Variants in BEGAIN observed in about 807,000 individuals in gnomAD.
The protein encoded by BEGAIN is brain-enriched guanylate kinase-associated protein.
BEGAIN carries 19 observed loss-of-function variants against 35.8 expected under a neutral mutation model. The observed-to-expected ratio is 0.53, with a 90% CI of 0.37 to 0.78. BEGAIN has a LOEUF of 0.78. BEGAIN is among the 30% of genes least tolerant of loss of function. The pLI, the probability that BEGAIN is intolerant of heterozygous loss-of-function variation, is 0.00. For missense variants in BEGAIN, 795 were observed against 853.6 expected, an observed-to-expected ratio of 0.93 and a Z score of 0.85; for synonymous variants, 462 against 388.6, an observed-to-expected ratio of 1.19 and a Z score of -2.22.
chr14:100,572,813 C>T (rs879627907), intron 1 of BEGAIN, among the ~76,000 whole-genome samples: 6 of 152,174 alleles, frequency 3.9e-5, no homozygotes, highest in Non-Finnish European at 7.3e-5. Flanking sequence ...AGCCTTCTAA[C>T]TGATCACTTG....
chr14:100,583,000 C>T (rs2035353986), intron 1 of BEGAIN, among the ~76,000 whole-genome samples: 1 of 150,894 alleles, frequency 6.6e-6, no homozygotes, highest in South Asian at 2.3e-4. Context: ...ATTCAACCAA[C>T]CGTCCTTCAC....
chr14:100,575,064 A>C (rs930493752), intron 1 of BEGAIN, among the ~76,000 whole-genome samples: 1 of 152,118 alleles, frequency 6.6e-6, no homozygotes, highest in African/African-American at 2.4e-5. Context: ...CCAGAGACTC[A>C]CCCATGGCCA....
At chr14:100,553,154 C>A (rs1454460441) in intron 2 of BEGAIN, among the ~76,000 whole-genome samples, 1 of 152,172 alleles carries the variant, frequency 6.6e-6, no homozygotes, top group African/African-American at 2.4e-5. Flanking sequence ...GCTGCACAAC[C>A]AGCTGCAGGT....
At position 100,554,802 on chromosome 14, in the gene BEGAIN, C is replaced by T. The variant is rs535558220; in HGVS notation, c.72-8140G>A. ...GAGCTGCCCCAACTCCTCTCTGTAC[C>T]AAGACTAAAAGGCCAGTTCCTCACC... On this transcript the variant is annotated intron_variant, in intron 2 of 6. Coordinates refer to ENST00000554140, the MANE Select transcript of BEGAIN (RefSeq NM_001385089.1). Among the ~76,000 whole-genome samples the T allele has an allele frequency of 4.6e-5, 7 of 152,302 alleles. No individual in the cohort carries two copies. The East Asian group carries it at 1.4e-3, about 29-fold the overall frequency.
Position 100,568,783 on chromosome 14 carries a change from G to A in BEGAIN, c.43-844C>T, listed in dbSNP as rs1286862547. On this transcript the variant is annotated intron_variant, in intron 1 of 6. Transcript: ENST00000554140. This position sits in a 1 kb window ranked among gnomAD's most constrained non-coding sequence, Gnocchi z 7.5. The stretch of plus-strand genomic sequence containing the variant: ...CTTCCTGCGTGGAGCTGGGGGCGCC[G>A]GGCGGGCTCTCTATCACCCGGGAGA... The A allele has an allele frequency of 2.1e-5, 18 of 849,902 alleles. No homozygotes were observed. The highest frequency in any genetic ancestry group is 2.4e-5 in the Non-Finnish European group (17 of 705,706). The allele number at this position is 849,902 out of a possible 1,614,324, so 52.6% of individuals were successfully genotyped here. A position where few individuals can be genotyped will look rare whatever the true frequency, so the allele number is the denominator to read the frequency against.
chr14:100,580,937 C>T (rs2035303026), intron 1 of BEGAIN, among the ~76,000 whole-genome samples: 1 of 152,136 alleles, frequency 6.6e-6, no homozygotes, highest in South Asian at 2.1e-4. Context: ...CTCGGGAGGC[C>T]ACAGTGTCCT....
chr14:100,571,959 T>C lies in BEGAIN; in HGVS notation c.43-4020A>G, dbSNP rs551184743. Among the ~76,000 whole-genome samples, 5 of 152,288 alleles carry C rather than the reference T, an allele frequency of 3.3e-5. No individual in the cohort carries two copies. The South Asian group carries it at 1.0e-3, about 32-fold the overall frequency. The stretch of plus-strand genomic sequence containing the variant: ...AGCTCCTCCATTCTGCCGCTGCATC[T>C]CCCTGTGTCCAGGGCCTGGCATGGA... On this transcript the variant is annotated intron_variant, in intron 1 of 6. Coordinates refer to ENST00000554140, the MANE Select transcript of BEGAIN (RefSeq NM_001385089.1).
chr14:100,587,208 C>T (rs2035464914), intron 1 of BEGAIN, 41 bp downstream of exon 1: 1 of 180,970 alleles, frequency 5.5e-6, no homozygotes, highest in Non-Finnish European at 1.1e-5. Context: ...CGCCTCCGCG[C>T]CCGCGCCCGC....
intron 2 of BEGAIN, among the ~76,000 whole-genome samples, chr14:100,551,254 C>T (rs919926833): frequency 3.0e-4 from 46 of 152,208 alleles, no homozygotes; most frequent in Non-Finnish European, 5.7e-4. Context: ...GGGTGTTGGC[C>T]TGCTGGAGGA....
intron 1 of BEGAIN, among the ~76,000 whole-genome samples, chr14:100,584,703 G>C (rs1054372303): frequency 1.1e-4 from 17 of 152,196 alleles, no homozygotes; most frequent in African/African-American, 3.9e-4. Flanking sequence ...TCCCCTGACT[G>C]TAATGGGTGT....
intron 2 of BEGAIN, among the ~76,000 whole-genome samples, chr14:100,560,716 G>A (rs1566973252): frequency 6.6e-6 from 1 of 152,202 alleles, no homozygotes; most frequent in African/African-American, 2.4e-5. Flanking sequence ...TAGTGGCCAC[G>A]AGGGCAGAGG....
In BEGAIN at chr14:100,538,276, A is replaced by G; in HGVS notation, c.1532T>C (p.Phe511Ser). ...GCTCAGGTCGCCGCCCGCCCGCAGG[A>G]AGCAGGGCTCTGCCAGGTGGCCCTG... ...LSQGHLAEPC[F>S]LRAGGDLSLS... is the part of the protein sequence containing the mutation. Residue 511 changes from phenylalanine (F) to serine (S), a missense_variant, in exon 7 of 7, where the codon TTC becomes TCC. By Grantham distance (155) the Phe-to-Ser change is radical. This residue lies in a region of BEGAIN where 664 missense variants were observed against 647.7 expected (regional missense o/e 1.03). Transcript: ENST00000554140. 1 of 1,561,296 alleles carries G rather than the reference A, an allele frequency of 6.4e-7. No individual in the cohort carries two copies. Among genetic ancestry groups the G allele is most frequent in the Non-Finnish European group, 8.6e-7 (1 of 1,162,118 alleles).
At chr14:100,561,127 C>T (rs969467613) in intron 2 of BEGAIN, among the ~76,000 whole-genome samples, 2 of 152,202 alleles carry the variant, frequency 1.3e-5, no homozygotes, top group African/African-American at 4.8e-5. Context: ...CACCCAGCCA[C>T]TGCCCCAACC....
rs1401844229 is a variant in BEGAIN at position 100,546,772 on chromosome 14, GC to G, written c.72-111del. 4 of 791,750 alleles carry G rather than the reference GC, an allele frequency of 5.1e-6. No homozygotes were observed. In the African/African-American group the frequency reaches 9.2e-5, roughly 18 times the overall value. The allele number at this position is 791,750 out of a possible 1,614,324, so 49.0% of individuals were successfully genotyped here. On this transcript the variant is annotated intron_variant, in intron 2 of 6. Transcript: ENST00000554140. The stretch of plus-strand genomic sequence containing the variant: ...CTAACACGCGAGTACCGGCGCGCGC[GC>G]GCGCGCGCACACACACACACACACA...
rs1003086909 is a variant in BEGAIN at position 100,558,646 on chromosome 14, A to G, written c.71+9265T>C. On this transcript the variant is annotated intron_variant, in intron 2 of 6. Transcript: ENST00000554140. This position sits in a 1 kb window ranked among gnomAD's most constrained non-coding sequence, Gnocchi z 4.6. Reference sequence around the variant, plus strand: ...CATCGCCCCTACAAATCCACAGCCTACCCCCACACCCTGCAGCAAGACAAG... The same window carrying G: ...CATCGCCCCTACAAATCCACAGCCTGCCCCCACACCCTGCAGCAAGACAAG... Among the ~76,000 whole-genome samples the G allele has an allele frequency of 6.6e-6, 1 of 151,388 alleles. No individual in the cohort carries two copies. Among genetic ancestry groups the G allele is most frequent in the African/African-American group, 2.4e-5 (1 of 41,138 alleles).
At position 100,567,447 on chromosome 14, in the gene BEGAIN, A is replaced by G. The variant is rs2034789902; in HGVS notation, c.71+464T>C. Among the ~76,000 whole-genome samples the G allele has an allele frequency of 6.6e-6, 1 of 151,620 alleles. No homozygotes were observed. Among genetic ancestry groups the G allele is most frequent in the Admixed American group, 6.5e-5 (1 of 15,268 alleles). On this transcript the variant is annotated intron_variant, in intron 2 of 6. Coordinates refer to ENST00000554140, the MANE Select transcript of BEGAIN (RefSeq NM_001385089.1). This position sits in a 1 kb window ranked among gnomAD's most constrained non-coding sequence, Gnocchi z 5.1. ...CCCGCCCCCCAGAGGCGGACACTTA[A>G]AAGCTCAGAGCCAGGCAACTGGCAG...
At chr14:100,564,696 C>A (rs2034551397) in intron 2 of BEGAIN, among the ~76,000 whole-genome samples, 1 of 152,168 alleles carries the variant, frequency 6.6e-6, no homozygotes, top group Admixed American at 6.5e-5. Flanking sequence ...CCATGTGGCC[C>A]CCCGGCCTGT....
rs546658842 is a variant in BEGAIN, at chr14:100,544,385, G to A, written c.301-420C>T. Among the ~76,000 whole-genome samples, 22 of 152,276 alleles carry A rather than the reference G, an allele frequency of 1.4e-4. No individual in the cohort carries two copies. In the South Asian group the frequency reaches 2.3e-3, roughly 16 times the overall value. On this transcript the variant is annotated intron_variant, in intron 4 of 6. Transcript: ENST00000554140. ...CCAGCCCCCAGGCCTGCCACCCCCC[G>A]TCTCTGATAGCACCACAAAGGTGGG...
At chr14:100,539,754 C>A (rs763096719) in intron 6 of BEGAIN, among the ~76,000 whole-genome samples, 9 of 152,180 alleles carry the variant, frequency 5.9e-5, no homozygotes, top group Non-Finnish European at 8.8e-5. Flanking sequence ...ACCCACTCCC[C>A]AGCCCCCCAG....
Sources: gnomAD v4.1 joint callset for allele counts (sites outside exome capture counted in the v4.1 genomes callset) on GRCh38, gnomAD v4.1.1 for gene constraint, gnomAD v4.1.1 regional missense constraint, Gnocchi (gnomAD v3.1) non-coding constraint, MANE v1.5 for transcripts, NCBI Gene and HGNC (gene_info 2026-07-23, HGNC 2026-07-21) for gene names.